TTC39C: variants seen among roughly 807,000 people sequenced by gnomAD.
TTC39C encodes the protein tetratricopeptide repeat protein 39C.
In TTC39C, 33 loss-of-function variants were observed where a neutral mutation model predicts 76.3. That is an observed-to-expected ratio of 0.43 (90% CI 0.33 to 0.58). The LOEUF is 0.58. Among genes scored for constraint, TTC39C ranks in the 20% least tolerant of loss-of-function variants. TTC39C has a pLI of 0.04. For missense variants in TTC39C, 595 were observed against 701.4 expected, an observed-to-expected ratio of 0.85 and a Z score of 1.71; for synonymous variants, 254 against 260.6, an observed-to-expected ratio of 0.97 and a Z score of 0.24.
rs760359123 is a variant in TTC39C at position 24,032,155 on chromosome 18, C to T, written c.167+17117C>T. Among the ~76,000 whole-genome samples, 22 of 152,140 alleles carry T rather than the reference C, an allele frequency of 1.4e-4. No individual in the cohort carries two copies. The South Asian group carries it at 2.1e-3, about 14-fold the overall frequency. On this transcript the variant is annotated intron_variant, in intron 1 of 13. Transcript: ENST00000317571. ...GCCTCCCCAGGGAGTGTGGCCCTGC[C>T]GATACCTCGATTTCAGCCCAGTGAC...
At chr18:24,052,844 G>A (rs924027993) in intron 1 of TTC39C, among the ~76,000 whole-genome samples, 2 of 152,208 alleles carry the variant, frequency 1.3e-5, no homozygotes, top group East Asian at 3.8e-4. Context: ...TGCAGGGCAT[G>A]GAATTGGACC....
intron 1 of TTC39C, among the ~76,000 whole-genome samples, chr18:23,997,234 C>A (rs958145283): frequency 3.3e-5 from 5 of 151,806 alleles, no homozygotes; most frequent in African/African-American, 1.2e-4. Context: ...CCAGGCAACA[C>A]AGCAAGACCC....
chr18:24,072,593 G>A lies in TTC39C; in HGVS notation c.460+3322G>A, dbSNP rs547892643. 9.2e-5 allele frequency among the ~76,000 whole-genome samples: 14 copies of A among 152,244 alleles called. No individual in the cohort carries two copies. The East Asian group carries it at 9.7e-4, about 10-fold the overall frequency. On this transcript the variant is annotated intron_variant, in intron 4 of 13. Coordinates refer to ENST00000317571, the MANE Select transcript of TTC39C (RefSeq NM_001135993.2). ...ATTGCAGGCATGGGCCACCGTGCCC[G>A]GTCAATGCTTCTTACTTTTAAAAAA...
At chr18:24,119,154 A>C (rs1384747949) in intron 8 of TTC39C, among the ~76,000 whole-genome samples, 1 of 152,160 alleles carries the variant, frequency 6.6e-6, no homozygotes, top group African/African-American at 2.4e-5. Flanking sequence ...ATGTATGAGG[A>C]GATAGAGATG....
chr18:24,084,014 C>T (rs2084411114), intron 6 of TTC39C, among the ~76,000 whole-genome samples: 1 of 152,102 alleles, frequency 6.6e-6, no homozygotes, highest in African/African-American at 2.4e-5. Flanking sequence ...CTTTCATGGG[C>T]ACAGGAATAA....
At chr18:24,062,989 C>G (rs1310521581) in intron 1 of TTC39C, among the ~76,000 whole-genome samples, 1 of 152,234 alleles carries the variant, frequency 6.6e-6, no homozygotes, top group Non-Finnish European at 1.5e-5. Flanking sequence ...CATACTCTCA[C>G]TTTGCATATA....
At chr18:24,130,157 A>G (rs1435359267) in intron 11 of TTC39C, among the ~76,000 whole-genome samples, 156 bp from the exon 12 acceptor site, 1 of 152,224 alleles carries the variant, frequency 6.6e-6, no homozygotes, top group East Asian at 1.9e-4. Context: ...GACTTCTAAG[A>G]TGTAGATAGG....
intron 4 of TTC39C, chr18:24,076,816 T>C (rs754056479): frequency 6.6e-5 from 10 of 152,254 alleles, no homozygotes; most frequent in Non-Finnish European, 1.0e-4. Context: ...CCTTCAGACA[T>C]TGGCACCCAT....
At chr18:24,009,534 C>A (rs949967961) in intron 1 of TTC39C, among the ~76,000 whole-genome samples, 1 of 152,092 alleles carries the variant, frequency 6.6e-6, no homozygotes, top group African/African-American at 2.4e-5. Context: ...ATCCAGGGAA[C>A]AGGGACTATC....
intron 1 of TTC39C, 172 bp downstream of exon 1, chr18:24,015,210 TCTC>T (rs1210249591): frequency 2.0e-5 from 11 of 542,724 alleles, no homozygotes; most frequent in Non-Finnish European, 3.3e-5. Flanking sequence ...CTCTGCCACA[TCTC>T]CTCGTCCACC....
chr18:24,130,474 T>A lies in TTC39C; in HGVS notation c.1623+57T>A, dbSNP rs2085112132. The A allele has an allele frequency of 9.6e-6, 6 of 626,028 alleles. No individual in the cohort carries two copies. The South Asian group carries it at 3.1e-4, about 32-fold the overall frequency. 38.8% of individuals were successfully genotyped at this position (626,028 alleles called of 1,614,324 possible). Reference sequence around the variant, plus strand: ...TTTTTAATGTTGTTCAACAAAAATGTGGAAGTGGGCAAGCACAAAGCACCC... The same window carrying A: ...TTTTTAATGTTGTTCAACAAAAATGAGGAAGTGGGCAAGCACAAAGCACCC... On this transcript the variant is annotated intron_variant, in intron 12 of 13. Coordinates refer to ENST00000317571, the MANE Select transcript of TTC39C (RefSeq NM_001135993.2).
chr18:24,024,202 C>G (rs11082890), intron 1 of TTC39C, among the ~76,000 whole-genome samples: 139,821 of 147,708 alleles, frequency 0.95, 66,518 homozygotes, highest in East Asian at 1. Context: ...TAGTAGAGAC[C>G]GGGTTTCGCT....
intron 1 of TTC39C, among the ~76,000 whole-genome samples, chr18:24,035,848 C>T (rs540490148): frequency 6.6e-6 from 1 of 152,268 alleles, no homozygotes; most frequent in South Asian, 2.1e-4. Context: ...TCCAAGAAAC[C>T]ATTGCCAAAT....
chr18:24,094,233 A>T (rs1026611962), intron 6 of TTC39C, among the ~76,000 whole-genome samples: 2 of 152,130 alleles, frequency 1.3e-5, no homozygotes, highest in Non-Finnish European at 2.9e-5. Context: ...TTGTCCTGCG[A>T]TTGCAACAAG....
rs559741808 is a variant in TTC39C, at chr18:24,042,071, C to T, written c.168-22069C>T. Among the ~76,000 whole-genome samples, 6 of 152,170 alleles carry T rather than the reference C, an allele frequency of 3.9e-5. No homozygotes were observed. The East Asian group carries it at 7.7e-4, about 20-fold the overall frequency. On this transcript the variant is annotated intron_variant, in intron 1 of 13. Coordinates refer to ENST00000317571, the MANE Select transcript of TTC39C (RefSeq NM_001135993.2). ...TCCTTTGCAGTTTGTATTTTTCACC[C>T]GATTTTTAAGTTTTGAAGTCGACCC...
At chr18:24,017,002 G>T (rs893004897) in intron 1 of TTC39C, among the ~76,000 whole-genome samples, 1 of 152,122 alleles carries the variant, frequency 6.6e-6, no homozygotes, top group South Asian at 2.1e-4. Flanking sequence ...AAACACTATA[G>T]TTCTAAATCA....
At chr18:24,014,188 C>G (rs2083416104), upstream of TTC39C, among the ~76,000 whole-genome samples, 1 of 152,232 alleles carries the variant, frequency 6.6e-6, no homozygotes, top group African/African-American at 2.4e-5. Context: ...GCCCCAGGGT[C>G]GGGATGAAGT....
intron 1 of TTC39C, among the ~76,000 whole-genome samples, chr18:24,031,476 C>T (rs1392327537): frequency 1.3e-5 from 2 of 152,204 alleles, no homozygotes; most frequent in African/African-American, 2.4e-5. Flanking sequence ...CTCTCAGGCT[C>T]AGTGGACTGC....
chr18:24,024,001 T>C (rs1436205389), intron 1 of TTC39C, among the ~76,000 whole-genome samples: 14 of 11,276 alleles, frequency 1.2e-3, no homozygotes, highest in African/African-American at 5.7e-3. Context: ...TATATATATA[T>C]ATATATATAT....
Sources: allele counts gnomAD v4.1 joint callset (sites outside exome capture counted in the v4.1 genomes callset), GRCh38; gene constraint gnomAD v4.1.1; transcripts MANE v1.5; gene names NCBI Gene and HGNC (gene_info 2026-07-23, HGNC 2026-07-21).